The following DIDO1 variants were observed in gnomAD, a reference collection of about 807,000 sequenced individuals.
DIDO1 encodes the protein death inducer-obliterator 1, also known as death-inducer obliterator 1.
A neutral mutation model predicts 99.4 loss-of-function variants in DIDO1; 16 were observed. That is an observed-to-expected ratio of 0.16 (90% confidence interval 0.11 to 0.24). DIDO1 has a LOEUF of 0.24. DIDO1 is among the 10% of genes least tolerant of loss of function. The probability of loss-of-function intolerance (pLI) is 1.00; values close to 1 mark genes in which losing one functional copy is unlikely to be tolerated. For missense variants in DIDO1, 2,996 were observed against 3,014.0 expected (o/e 0.99, Z 0.14); for synonymous variants, 1,366 against 1,239.1 (o/e 1.10, Z -2.15).
rs1345964859 is a variant in DIDO1, at chr20:62,894,476, A to T, written c.2509T>A (p.Leu837Met). The T allele has an allele frequency of 6.2e-7, 1 of 1,613,568 alleles. No homozygotes were observed. The highest frequency in any genetic ancestry group is 8.5e-7 in the Non-Finnish European group (1 of 1,180,032). ...APLLDVFSSM[L>M]KDTTSQHRAH... ...CGGTGCTGACTGGTGGTGTCTTTCA[A>T]CATGCTGCTGAAGACGTCGAGAAGC... The change falls in exon 11 of 16, where the codon TTG (leucine) becomes ATG (methionine). Residue 837 changes from leucine (L) to methionine (M), a missense_variant. Physicochemically the swap from Leu to Met is conservative, Grantham distance 15. Coordinates refer to ENST00000395343, the MANE Select transcript of DIDO1 (RefSeq NM_001193369.2). The surrounding 1 kb of genome is among the most constrained non-coding windows in gnomAD (Gnocchi z 4.4).
At chr20:62,917,272 C>T (rs145417289) in intron 1 of DIDO1, among the ~76,000 whole-genome samples, 9 of 152,266 alleles carry the variant, frequency 5.9e-5, no homozygotes, top group Admixed American at 3.9e-4. Context: ...ATCAAGTGAT[C>T]TACCCACCTC....
In DIDO1 at chr20:62,911,675, C is replaced by T. The variant is rs1402924502; in HGVS notation, c.-2-61G>A. On this transcript the variant is annotated intron_variant, in intron 2 of 15. Coordinates refer to ENST00000395343, the MANE Select transcript of DIDO1 (RefSeq NM_001193369.2). This position sits in a 1 kb window ranked among gnomAD's most constrained non-coding sequence, Gnocchi z 7.0. The stretch of plus-strand genomic sequence containing the variant: ...ACCACAGAACAAAAGGTGACATTGC[C>T]GCCAAACACGCGCAGCAGGGGCCAC... 9.0e-6 allele frequency: 13 copies of T among 1,436,796 alleles called. No individual in the cohort carries two copies. The highest frequency in any genetic ancestry group is 1.9e-4 in the Middle Eastern group (1 of 5,182). 89.0% of individuals were successfully genotyped at this position (1,436,796 alleles called of 1,614,324 possible).
At chr20:62,902,281 A>G (rs2064700468) in intron 6 of DIDO1, among the ~76,000 whole-genome samples, 1 of 152,240 alleles carries the variant, frequency 6.6e-6, no homozygotes, top group Admixed American at 6.5e-5. Context: ...AAAATAACAA[A>G]AGAATGTCAT....
intron 1 of DIDO1, among the ~76,000 whole-genome samples, chr20:62,933,921 A>G (rs902654841): frequency 6.6e-6 from 1 of 152,178 alleles, no homozygotes; most frequent in African/African-American, 2.4e-5. Flanking sequence ...CTTTCTGTTC[A>G]TCTCTTTCAA....
intron 1 of DIDO1, among the ~76,000 whole-genome samples, chr20:62,920,512 C>T (rs2065117923): frequency 6.6e-6 from 1 of 152,222 alleles, no homozygotes. Context: ...GGGGCAAGCA[C>T]ATGGTTGAGC....
chr20:62,936,203 A>G (rs1390684228), intron 1 of DIDO1, among the ~76,000 whole-genome samples: 1 of 152,030 alleles, frequency 6.6e-6, no homozygotes, highest in Non-Finnish European at 1.5e-5. Flanking sequence ...GCTTGAGCCC[A>G]GGAGATCGAG....
At chr20:62,899,372 T>A (rs6011456) in intron 6 of DIDO1, among the ~76,000 whole-genome samples, 6 of 152,046 alleles carry the variant, frequency 3.9e-5, no homozygotes, top group African/African-American at 9.7e-5. Context: ...TGTTTAACGC[T>A]CACCTTGTTG....
intron 1 of DIDO1, among the ~76,000 whole-genome samples, chr20:62,916,549 C>T (rs1047244077): frequency 3.3e-5 from 5 of 152,164 alleles, no homozygotes; most frequent in African/African-American, 7.2e-5. Context: ...CCTATTAATA[C>T]ATTAATAGTA....
chr20:62,889,331 G>T (rs768800145), intron 15 of DIDO1: 1 of 984,650 alleles, frequency 1.0e-6, no homozygotes, highest in South Asian at 4.7e-5. Flanking sequence ...TGGGGAACCC[G>T]GTGCCCGGCA....
intron 1 of DIDO1, among the ~76,000 whole-genome samples, chr20:62,919,680 A>AAAAAGC (rs1355933199): frequency 6.6e-6 from 1 of 152,266 alleles, no homozygotes; most frequent in Non-Finnish European, 1.5e-5. Context: ...ACGCGGAGAC[A>AAAAAGC]AAAAGCAAAA....
chr20:62,902,220 A>C (rs1030154798), intron 6 of DIDO1, among the ~76,000 whole-genome samples: 3 of 152,112 alleles, frequency 2.0e-5, no homozygotes, highest in African/African-American at 4.8e-5. Flanking sequence ...CCCTGATGTA[A>C]TTTTCTCAAT....
At chr20:62,914,116 A>G (rs2147522117) in intron 2 of DIDO1, 94 bp downstream of exon 2, 1 of 152,352 alleles carries the variant, frequency 6.6e-6, no homozygotes, top group South Asian at 2.1e-4. Context: ...ACTACATTCT[A>G]CTATCAGTTT....
chr20:62,881,421 G>A lies in DIDO1; in HGVS notation c.4535C>T (p.Ala1512Val), dbSNP rs1375729559. 4 of 1,608,014 alleles carry A rather than the reference G, an allele frequency of 2.5e-6. No individual in the cohort carries two copies. Among genetic ancestry groups the A allele is most frequent in the Non-Finnish European group, 3.4e-6 (4 of 1,179,980 alleles). ...CAAGGCGTCCGACACCGAGAAGTGG[G>A]CCATGGAGACCCCGACGGCGGCCCT... is the stretch of plus-strand genomic sequence containing the variant. The part of the protein sequence containing the change: ...QQRAAVGVSM[A>V]HFSVSDALMS... The change falls in exon 16 of 16, where the codon GCC becomes GTC. Residue 1512 changes from alanine (A) to valine (V), a missense_variant. Ala to Val is a moderately conservative substitution (Grantham distance 64). Transcript: ENST00000395343. The surrounding 1 kb of genome is among the most constrained non-coding windows in gnomAD (Gnocchi z 8.3).
At chr20:62,922,740 CTTGGA>C (rs1333536912) in intron 1 of DIDO1, among the ~76,000 whole-genome samples, 1 of 152,174 alleles carries the variant, frequency 6.6e-6, no homozygotes, top group African/African-American at 2.4e-5. Context: ...CTGGCGAGGG[CTTGGA>C]GAGAAAGGCC....
chr20:62,917,521 G>A (rs1241447193), intron 1 of DIDO1, among the ~76,000 whole-genome samples: 1 of 152,174 alleles, frequency 6.6e-6, no homozygotes, highest in Non-Finnish European at 1.5e-5. Flanking sequence ...CACATGCTGA[G>A]TCTGAAAACT....
chr20:62,922,387 C>T (rs1419970331), intron 1 of DIDO1, among the ~76,000 whole-genome samples: 1 of 152,016 alleles, frequency 6.6e-6, no homozygotes, highest in African/African-American at 2.4e-5. Flanking sequence ...GCAGTGCCCA[C>T]CCCCACCCAG....
At chr20:62,913,193 C>A (rs2064979294) in intron 2 of DIDO1, among the ~76,000 whole-genome samples, 1 of 152,188 alleles carries the variant, frequency 6.6e-6, no homozygotes, top group Non-Finnish European at 1.5e-5. Context: ...GACCCACACC[C>A]CCCAGGGCAC....
intron 1 of DIDO1, among the ~76,000 whole-genome samples, chr20:62,926,092 C>G (rs933900355): frequency 2.0e-5 from 3 of 152,154 alleles, no homozygotes; most frequent in African/African-American, 4.8e-5. Context: ...CCAGGCCAGC[C>G]CTGCGCTCTT....
In DIDO1 at chr20:62,896,856, C is replaced by T. The variant is rs1360612462; in HGVS notation, c.1729G>A (p.Ala577Thr). 6.2e-7 allele frequency: 1 copy of T among 1,613,916 alleles called. No homozygotes were observed. The highest frequency in any genetic ancestry group is 1.3e-5 in the African/African-American group (1 of 74,922). Residue 577 changes from alanine (A) to threonine (T), a missense_variant, in exon 7 of 16, where the codon GCA (alanine) becomes ACA (threonine). Around this residue, in one of 5 missense-constraint regions of DIDO1, gnomAD observed 898 missense variants for 972.7 expected, o/e 0.92. Transcript: ENST00000395343. The surrounding 1 kb of genome is among the most constrained non-coding windows in gnomAD (Gnocchi z 4.4). Reference sequence around the variant, plus strand: ...TTTTTAATGGCTGGTGTGGCTGCTGCCACATTAGCAAAAGAAGACTTCTTT... The same window carrying T: ...TTTTTAATGGCTGGTGTGGCTGCTGTCACATTAGCAAAAGAAGACTTCTTT... ...VPKKSSFANV[A>T]AATPAIKKPP...
Sources: gnomAD v4.1 joint callset for allele counts (sites outside exome capture counted in the v4.1 genomes callset) on GRCh38, gnomAD v4.1.1 for gene constraint, gnomAD v4.1.1 regional missense constraint, Gnocchi (gnomAD v3.1) non-coding constraint, MANE v1.5 for transcripts, NCBI Gene and HGNC (gene_info 2026-07-23, HGNC 2026-07-21) for gene names.